The following UCK2 variants were observed in gnomAD, a reference collection of about 807,000 sequenced individuals.
The protein encoded by UCK2 is cytidine monophosphokinase 2.
A neutral mutation model predicts 30.8 loss-of-function variants in UCK2; 6 were observed. The observed-to-expected ratio is 0.19, with a 90% confidence interval of 0.11 to 0.38. The LOEUF (loss-of-function observed/expected upper bound fraction) is 0.38. UCK2 is among the 10% of genes least tolerant of loss of function. UCK2 has a pLI of 1.00. For missense variants in UCK2, 210 were observed against 339.8 expected, an observed-to-expected ratio of 0.62 and a Z score of 3.00; for synonymous variants, 125 against 133.6, an observed-to-expected ratio of 0.94 and a Z score of 0.45.
Position 165,910,192 on chromosome 1 carries a change from T to C in UCK2, c.*2369T>C, listed in dbSNP as rs1260676188. The C allele has an allele frequency of 6.6e-6, 1 of 152,260 alleles. No homozygotes were observed. The allele number at this position is 152,260 out of a possible 1,614,324, so 9.4% of individuals were successfully genotyped here. A position where few individuals can be genotyped will look rare whatever the true frequency, so the allele number is the denominator to read the frequency against. On this transcript the variant is annotated 3_prime_UTR_variant, in exon 7 of 7. Transcript: ENST00000367879. ...CTGGAACAAGGAAGGGATGGAAGGC[T>C]CTACCCCTCCGTGGCAGCCCAGCAT...
In UCK2 at chr1:165,896,207, C is replaced by T; in HGVS notation, c.374C>T (p.Thr125Ile). ...VSHSRKEETVTVYPADVVLFE... is the reference protein window; with the variant it reads ...VSHSRKEETVIVYPADVVLFE... The stretch of plus-strand genomic sequence containing the variant: ...CTTTGCAGGAAGGAGGAGACAGTTA[C>T]TGTCTATCCCGCAGACGTGGTGCTC... The change falls in exon 4 of 7, where the codon ACT (threonine) becomes ATT (isoleucine). Residue 125 changes from threonine to isoleucine, a missense_variant. Coordinates refer to ENST00000367879, the MANE Select transcript of UCK2 (RefSeq NM_012474.5). The T allele has an allele frequency of 1.9e-6, 3 of 1,614,190 alleles. No homozygotes were observed. Among genetic ancestry groups the T allele is most frequent in the Non-Finnish European group, 2.5e-6 (3 of 1,180,034 alleles).
intron 1 of UCK2, among the ~76,000 whole-genome samples, chr1:165,864,075 G>T (rs1571279138): frequency 1.6e-5 from 1 of 63,686 alleles, no homozygotes; most frequent in Admixed American, 1.5e-4. Context: ...AGCTTTCCAA[G>T]TAGCTGGGAT....
At chr1:165,882,683 G>A (rs1285071728) in intron 1 of UCK2, among the ~76,000 whole-genome samples, 2 of 152,150 alleles carry the variant, frequency 1.3e-5, no homozygotes, top group African/African-American at 4.8e-5. Context: ...GAGCAGAAGA[G>A]AATGAATCCA....
At chr1:165,861,868 C>G (rs1654917688) in intron 1 of UCK2, among the ~76,000 whole-genome samples, 1 of 152,126 alleles carries the variant, frequency 6.6e-6, no homozygotes, top group Non-Finnish European at 1.5e-5. Context: ...AGTCCTGCCT[C>G]TAGCAAAATA....
At chr1:165,841,270 G>T (rs186513198) in intron 1 of UCK2, among the ~76,000 whole-genome samples, 2 of 151,326 alleles carry the variant, frequency 1.3e-5, no homozygotes, top group African/African-American at 4.9e-5. Context: ...TGCATCCTCC[G>T]CCTCCTAGGT....
chr1:165,909,822 G>A lies in UCK2; in HGVS notation c.*1999G>A, dbSNP rs1457367013. 6.6e-6 allele frequency: 1 copy of A among 152,340 alleles called. No individual in the cohort carries two copies. The highest frequency in any genetic ancestry group is 2.4e-5 in the African/African-American group (1 of 41,464). 9.4% of individuals were successfully genotyped at this position (152,340 alleles called of 1,614,324 possible). A position where few individuals can be genotyped will look rare whatever the true frequency, so the allele number is the denominator to read the frequency against. On this transcript the variant is annotated 3_prime_UTR_variant, in exon 7 of 7. Transcript: ENST00000367879. ...AGGGCCCCTGGCCTTGATGGCACTG[G>A]GCTGTGCTCAGGTGAAGCCCACCCG...
chr1:165,859,458 C>T (rs1654834109), intron 1 of UCK2, among the ~76,000 whole-genome samples: 1 of 152,116 alleles, frequency 6.6e-6, no homozygotes, highest in Admixed American at 6.6e-5. Context: ...AGTGAAGTGA[C>T]ATTCTGCCCT....
chr1:165,829,742 A>G (rs1038188410), intron 1 of UCK2, among the ~76,000 whole-genome samples: 3 of 152,194 alleles, frequency 2.0e-5, no homozygotes, highest in Non-Finnish European at 4.4e-5. Flanking sequence ...TGGTGAGCCA[A>G]TGTGGGAGTA....
At chr1:165,887,375 C>T (rs577771047) in intron 1 of UCK2, among the ~76,000 whole-genome samples, 32 of 152,294 alleles carry the variant, frequency 2.1e-4, no homozygotes, top group Non-Finnish European at 2.5e-4. Flanking sequence ...TCCCATTTTA[C>T]TGGCCATTGT....
At chr1:165,880,079 A>C (rs1655444895) in intron 1 of UCK2, among the ~76,000 whole-genome samples, 1 of 152,224 alleles carries the variant, frequency 6.6e-6, no homozygotes, top group Non-Finnish European at 1.5e-5. Flanking sequence ...ACAACAAAGC[A>C]CTGTTGTGCT....
At chr1:165,854,549 CTGTCTTCTA>C (rs1654679730) in intron 1 of UCK2, among the ~76,000 whole-genome samples, 1 of 151,894 alleles carries the variant, frequency 6.6e-6, no homozygotes, top group Admixed American at 6.6e-5. Context: ...GCCCCCAGCC[CTGTCTTCTA>C]GAGTTAGACT....
At chr1:165,829,089 TC>T (rs1653974168) in intron 1 of UCK2, among the ~76,000 whole-genome samples, 1 of 152,068 alleles carries the variant, frequency 6.6e-6, no homozygotes, top group South Asian at 2.1e-4. Context: ...TTTACATTTT[TC>T]CCTCCTGGTC....
At chr1:165,863,274 G>C (rs946231696) in intron 1 of UCK2, among the ~76,000 whole-genome samples, 1 of 152,208 alleles carries the variant, frequency 6.6e-6, no homozygotes, top group African/African-American at 2.4e-5. Flanking sequence ...TTGTGTGTTG[G>C]AGAACAAGCC....
Position 165,907,774 on chromosome 1 carries a change from C to T in UCK2, c.737C>T (p.Thr246Ile), listed in dbSNP as rs759045693. 6.2e-7 allele frequency: 1 copy of T among 1,614,202 alleles called. No individual in the cohort carries two copies. Among genetic ancestry groups the T allele is most frequent in the South Asian group, 1.1e-5 (1 of 91,084 alleles). The part of the protein sequence containing the change: ...RQTNGCLNGY[T>I]PSRKRQASES... ...ACCAATGGCTGTCTCAACGGCTACA[C>T]CCCTTCACGCAAGAGGCAGGCATCG... The change falls in exon 7 of 7, where the codon ACC becomes ATC. Residue 246 changes from threonine (T) to isoleucine (I), a missense_variant. This residue lies in a region of UCK2 where 38 missense variants were observed against 45.4 expected (regional missense o/e 0.84). Transcript: ENST00000367879.
At chr1:165,875,506 C>G (rs1156363541) in intron 1 of UCK2, among the ~76,000 whole-genome samples, 1 of 152,156 alleles carries the variant, frequency 6.6e-6, no homozygotes, top group Admixed American at 6.5e-5. Context: ...ACACTATTTA[C>G]CTGGAGATAG....
chr1:165,865,564 G>A (rs1655026005), intron 1 of UCK2, among the ~76,000 whole-genome samples: 1 of 151,948 alleles, frequency 6.6e-6, no homozygotes, highest in Non-Finnish European at 1.5e-5. Flanking sequence ...TTTTTTTAAT[G>A]TACGAAGATA....
chr1:165,831,651 A>G (rs562147334), intron 1 of UCK2, among the ~76,000 whole-genome samples: 1 of 152,182 alleles, frequency 6.6e-6, no homozygotes, highest in Non-Finnish European at 1.5e-5. Context: ...TGGATGTGCC[A>G]TTTTCCTTTT....
chr1:165,872,130 A>G (rs1159977261), intron 1 of UCK2, among the ~76,000 whole-genome samples: 1 of 151,950 alleles, frequency 6.6e-6, no homozygotes, highest in African/African-American at 2.4e-5. Context: ...GCTGGAGTAC[A>G]GTGGTGCAAT....
intron 1 of UCK2, among the ~76,000 whole-genome samples, chr1:165,883,023 A>T (rs1655537746): frequency 6.6e-6 from 1 of 152,000 alleles, no homozygotes; most frequent in Non-Finnish European, 1.5e-5. Context: ...ACCGGGTTTC[A>T]CCATGTTGGC....
Sources: allele counts gnomAD v4.1 joint callset (sites outside exome capture counted in the v4.1 genomes callset), GRCh38; gene constraint gnomAD v4.1.1; regional missense constraint gnomAD v4.1.1; transcripts MANE v1.5; gene names NCBI Gene and HGNC (gene_info 2026-07-23, HGNC 2026-07-21).